GRM5: variants seen among roughly 807,000 people sequenced by gnomAD.
GRM5 encodes metabotropic glutamate receptor 5.
In GRM5, 19 loss-of-function variants were observed where a neutral mutation model predicts 83.1. That is an observed-to-expected ratio of 0.23 (90% confidence interval 0.16 to 0.34). GRM5 has a LOEUF of 0.34. Ranked by LOEUF, GRM5 falls within the 10% of genes least tolerant of loss-of-function variation. GRM5 has a pLI of 1.00. For missense variants in GRM5, 1,160 were observed against 1,588.3 expected (o/e 0.73, Z 4.58); for synonymous variants, 675 against 633.6 (o/e 1.07, Z -0.98).
chr11:88,676,469 TTATATTCCAG>T (rs1381405813), intron 3 of GRM5, among the ~76,000 whole-genome samples: 1 of 152,050 alleles, frequency 6.6e-6, no homozygotes, highest in Admixed American at 6.6e-5. Context: ...TTGAATATAT[TTATATTCCAG>T]TGCTTGGCAA....
At chr11:89,003,156 G>T (rs1480247769) in intron 2 of GRM5, among the ~76,000 whole-genome samples, 1 of 152,094 alleles carries the variant, frequency 6.6e-6, no homozygotes, top group Non-Finnish European at 1.5e-5. Flanking sequence ...AATGTACCAG[G>T]CATAATTCTA....
At chr11:88,873,751 T>C (rs528657043) in intron 2 of GRM5, among the ~76,000 whole-genome samples, 73 of 151,690 alleles carry the variant, frequency 4.8e-4, no homozygotes, top group South Asian at 4.2e-3. Flanking sequence ...AACACTTATA[T>C]CAGAAATGTA....
chr11:88,559,587 A>G (rs770051498), intron 8 of GRM5, among the ~76,000 whole-genome samples: 4 of 152,212 alleles, frequency 2.6e-5, no homozygotes, highest in Non-Finnish European at 4.4e-5. Flanking sequence ...GGCCCATAGC[A>G]AGTGCTCAAT....
intron 8 of GRM5, among the ~76,000 whole-genome samples, chr11:88,541,445 C>G (rs1450384679): frequency 2.0e-5 from 3 of 152,036 alleles, no homozygotes; most frequent in Non-Finnish European, 2.9e-5. Flanking sequence ...TATATAGACA[C>G]AGATACATGT....
At chr11:88,956,546 C>T (rs924828398) in intron 2 of GRM5, among the ~76,000 whole-genome samples, 1 of 152,216 alleles carries the variant, frequency 6.6e-6, no homozygotes, top group Non-Finnish European at 1.5e-5. Context: ...GTGGCTCACG[C>T]CTGTAAACCC....
At chr11:88,748,713 C>T (rs1200480240) in intron 3 of GRM5, among the ~76,000 whole-genome samples, 1 of 152,058 alleles carries the variant, frequency 6.6e-6, no homozygotes, top group Non-Finnish European at 1.5e-5. Context: ...GTCAGTACCC[C>T]CCCAGGACCA....
chr11:88,905,901 C>T (rs1350076671), intron 2 of GRM5, among the ~76,000 whole-genome samples: 1 of 152,106 alleles, frequency 6.6e-6, no homozygotes, highest in Non-Finnish European at 1.5e-5. Context: ...GAAACATATG[C>T]ATTCTCTACA....
intron 2 of GRM5, among the ~76,000 whole-genome samples, chr11:88,898,334 A>G (rs1436743604): frequency 6.6e-6 from 1 of 151,996 alleles, no homozygotes; most frequent in East Asian, 1.9e-4. Context: ...TTGACTCTGT[A>G]AAGGCCCTAT....
intron 2 of GRM5, among the ~76,000 whole-genome samples, chr11:89,036,438 GT>G (rs1941387947): frequency 6.6e-6 from 1 of 151,966 alleles, no homozygotes; most frequent in South Asian, 2.1e-4. Context: ...ATCATTTATG[GT>G]TTTTTTCTTC....
In GRM5 at chr11:88,994,445, T is replaced by TTTTATATATA. The variant is rs1327520617; in HGVS notation, c.661+52766_661+52767insTATATATAAA. Among the ~76,000 whole-genome samples the TTTTATATATA allele has an allele frequency of 1.7e-4, 15 of 86,890 alleles. No individual in the cohort carries two copies. In the East Asian group the frequency reaches 2.7e-3, roughly 16 times the overall value. The allele number at this position is 86,890 out of a possible 152,430, so 57.0% of individuals were successfully genotyped here. On this transcript the variant is annotated intron_variant, in intron 2 of 9. Coordinates refer to ENST00000305447, the MANE Select transcript of GRM5 (RefSeq NM_001143831.3). ...TATTATTATTTATCACTTTAACTGA[T>TTTTATATATA]TATATATATATATATATATATATAT...
At chr11:88,902,578 T>C (rs923009297) in intron 2 of GRM5, among the ~76,000 whole-genome samples, 1 of 152,106 alleles carries the variant, frequency 6.6e-6, no homozygotes, top group East Asian at 1.9e-4. Flanking sequence ...AGAGAGCACA[T>C]CCAAGTTGCT....
At chr11:88,521,131 A>G (rs115264892) in intron 9 of GRM5, among the ~76,000 whole-genome samples, 1,635 of 152,112 alleles carry the variant, frequency 0.011, 35 homozygotes, top group African/African-American at 0.037. Context: ...CAGAAAGCAG[A>G]TTCCAGCCAG....
At chr11:88,941,300 A>G (rs1364778002) in intron 2 of GRM5, among the ~76,000 whole-genome samples, 1 of 151,618 alleles carries the variant, frequency 6.6e-6, no homozygotes, top group Non-Finnish European at 1.5e-5. Context: ...AACACTCTGA[A>G]TATCAAAAAT....
rs371352809 is a variant in GRM5 at position 89,009,857 on chromosome 11, C to T, written c.661+37355G>A. ...CGGAGCTTGCAGTGAGCCGAGATCGCGCCACTGCACTCCAGCCTGGGCGAC... is the reference window on the plus strand; with the variant it reads ...CGGAGCTTGCAGTGAGCCGAGATCGTGCCACTGCACTCCAGCCTGGGCGAC... On this transcript the variant is annotated intron_variant, in intron 2 of 9. Transcript: ENST00000305447. Among the ~76,000 whole-genome samples the T allele has an allele frequency of 1.3e-4, 17 of 132,702 alleles. No individual in the cohort carries two copies. The East Asian group carries it at 3.5e-3, about 27-fold the overall frequency. 87.1% of individuals were successfully genotyped at this position (132,702 alleles called of 152,430 possible).
chr11:88,590,609 T>C lies in GRM5; in HGVS notation c.1682A>G (p.Asp561Gly), dbSNP rs1192296153. 3 of 1,611,976 alleles carry C rather than the reference T, an allele frequency of 1.9e-6. No individual in the cohort carries two copies. The highest frequency in any genetic ancestry group is 1.1e-5 in the South Asian group (1 of 91,000). ...ACQLGSWPTD[D>G]LTGCDLIPVQ... ...AGATTGTGATAGATTACCTGTGAGA[T>C]CATCAGTGGGCCAAGACCCCAGTTG... Residue 561 changes from aspartate to glycine, a missense_variant, in exon 7 of 10, where the codon GAT (aspartate) becomes GGT (glycine). By Grantham distance (94) the Asp-to-Gly change is moderately conservative. This residue lies in a region of GRM5 where 132 missense variants were observed against 245.5 expected (regional missense o/e 0.54). Coordinates refer to ENST00000305447, the MANE Select transcript of GRM5 (RefSeq NM_001143831.3).
chr11:88,823,814 G>A (rs1943845604), intron 3 of GRM5, among the ~76,000 whole-genome samples: 1 of 152,100 alleles, frequency 6.6e-6, no homozygotes, highest in African/African-American at 2.4e-5. Context: ...CTCACCTGAT[G>A]TTGGGACCTT....
At chr11:88,902,787 C>T (rs1005845928) in intron 2 of GRM5, among the ~76,000 whole-genome samples, 1 of 151,760 alleles carries the variant, frequency 6.6e-6, no homozygotes, top group African/African-American at 2.4e-5. Context: ...CCTGTCTCTA[C>T]TAAAAATACA....
chr11:88,816,081 C>T (rs1237107022), intron 3 of GRM5, among the ~76,000 whole-genome samples: 1 of 146,980 alleles, frequency 6.8e-6, no homozygotes, highest in Admixed American at 6.7e-5. Context: ...GGCGCGATGG[C>T]GGGCGCCTGT....
At position 88,507,933 on chromosome 11, in the gene GRM5, A is replaced by G. The variant is rs1010671174; in HGVS notation, c.*659T>C. ...TTTTGGAAGAGTATTTCACAACCCA[A>G]TTGGAGAGGAAAATCTCTGGTAGAA... On this transcript the variant is annotated 3_prime_UTR_variant, in exon 10 of 10. Transcript: ENST00000305447. 1 of 152,516 alleles carries G rather than the reference A, an allele frequency of 6.6e-6. No homozygotes were observed. The highest frequency in any genetic ancestry group is 1.9e-4 in the East Asian group (1 of 5,190). 9.4% of individuals were successfully genotyped at this position (152,516 alleles called of 1,614,324 possible).
Sources: allele counts gnomAD v4.1 joint callset (sites outside exome capture counted in the v4.1 genomes callset), GRCh38; gene constraint gnomAD v4.1.1; regional missense constraint gnomAD v4.1.1; transcripts MANE v1.5; gene names NCBI Gene and HGNC (gene_info 2026-07-23, HGNC 2026-07-21).